EIF2AK4: variants seen among roughly 807,000 people sequenced by gnomAD.
The protein encoded by EIF2AK4 is eIF-2-alpha kinase GCN2.
In EIF2AK4, 139 loss-of-function variants were observed where a neutral mutation model predicts 211.1. The observed-to-expected ratio is 0.66, with a 90% CI of 0.57 to 0.76. The LOEUF (loss-of-function observed/expected upper bound fraction) is 0.76, where lower values mean the gene tolerates loss of function less well. EIF2AK4 is among the 30% of genes least tolerant of loss of function. The pLI is 0.00. For missense variants in EIF2AK4, 1,664 were observed against 2,043.8 expected, an observed-to-expected ratio of 0.81 and a Z score of 3.58; for synonymous variants, 710 against 751.3, an observed-to-expected ratio of 0.94 and a Z score of 0.90.
chr15:40,002,949 A>C (rs2035112489), intron 22 of EIF2AK4, among the ~76,000 whole-genome samples, 161 bp downstream of exon 22: 1 of 152,236 alleles, frequency 6.6e-6, no homozygotes, highest in African/African-American at 2.4e-5. Context: ...ACTGATTTGA[A>C]TATTACAGCC....
In EIF2AK4 at chr15:39,939,625, C is replaced by G; in HGVS notation, c.257+8C>G. ...ACCTACCTATCCAGATGTGTGAGTA[C>G]ATTTATAAATAGCTTTGACGTGGTT... On this transcript the variant is annotated splice_region_variant and intron_variant, in intron 2 of 38. Transcript: ENST00000263791. 2 of 1,588,724 alleles carry G rather than the reference C, an allele frequency of 1.3e-6. No homozygotes were observed. The highest frequency in any genetic ancestry group is 2.3e-5 in the South Asian group (2 of 87,068).
chr15:40,000,429 G>A (rs1263902349), intron 20 of EIF2AK4, among the ~76,000 whole-genome samples: 2 of 152,126 alleles, frequency 1.3e-5, no homozygotes, highest in African/African-American at 4.8e-5. Context: ...ACCTCTCAAA[G>A]GTTTAGATTG....
rs753461806 is a variant in EIF2AK4 at position 39,992,166 on chromosome 15, T to C, written c.2632-9T>C. ...TTTAATTGGATATTTGGCTTACTTA[T>C]ATTTTTAGGCTGACAGCAAACAAGA... On this transcript the variant is annotated splice_polypyrimidine_tract_variant and intron_variant, in intron 16 of 38. Coordinates refer to ENST00000263791, the MANE Select transcript of EIF2AK4 (RefSeq NM_001013703.4). The C allele has an allele frequency of 3.7e-6, 6 of 1,609,764 alleles. No homozygotes were observed. In the South Asian group the frequency reaches 5.6e-5, roughly 15 times the overall value.
intron 18 of EIF2AK4, 65 bp from the exon 19 acceptor site, chr15:39,996,899 T>G (rs1302745291): frequency 8.6e-7 from 1 of 1,165,300 alleles, no homozygotes; most frequent in Non-Finnish European, 1.3e-6. Context: ...GCTTATCCTA[T>G]AATTCCCTGG....
chr15:39,958,531 G>C (rs77843252), intron 6 of EIF2AK4, among the ~76,000 whole-genome samples: 3,301 of 152,276 alleles, frequency 0.022, 50 homozygotes, highest in Non-Finnish European at 0.037. Context: ...AAGGTGTAGG[G>C]GAGAGAGGAT....
At chr15:39,952,088 A>G (rs1210861657) in intron 4 of EIF2AK4, among the ~76,000 whole-genome samples, 2 of 152,072 alleles carry the variant, frequency 1.3e-5, no homozygotes, top group African/African-American at 2.4e-5. Context: ...ATTCTCACCC[A>G]TTTATTCTTA....
At chr15:39,986,626 G>A (rs2034869172) in intron 14 of EIF2AK4, among the ~76,000 whole-genome samples, 1 of 152,238 alleles carries the variant, frequency 6.6e-6, no homozygotes, top group East Asian at 1.9e-4. Flanking sequence ...GGCCGAGGCG[G>A]GTGGATCACC....
chr15:40,033,023 T>C (rs1330426880), intron 37 of EIF2AK4, among the ~76,000 whole-genome samples: 5 of 152,170 alleles, frequency 3.3e-5, no homozygotes, highest in African/African-American at 4.8e-5. Flanking sequence ...ACTTATTTTA[T>C]TAAAAACAAA....
chr15:39,963,400 A>G (rs1027599898), intron 7 of EIF2AK4, among the ~76,000 whole-genome samples: 1 of 152,240 alleles, frequency 6.6e-6, no homozygotes, highest in Non-Finnish European at 1.5e-5. Flanking sequence ...GATTCACCAT[A>G]GTTAATACCC....
chr15:39,949,289 T>C (rs199627809), intron 4 of EIF2AK4, 21 bp downstream of exon 4: 71 of 1,612,092 alleles, frequency 4.4e-5, no homozygotes, highest in Non-Finnish European at 5.3e-5. Flanking sequence ...CTTGTCGATG[T>C]CTGTGTGCAT....
At chr15:39,942,564 C>T (rs1047179065) in intron 2 of EIF2AK4, among the ~76,000 whole-genome samples, 2 of 152,184 alleles carry the variant, frequency 1.3e-5, no homozygotes, top group African/African-American at 2.4e-5. Flanking sequence ...AGTGATGAGT[C>T]ATCATCTCTT....
chr15:40,031,731 CTTTT>C (rs201986933), intron 35 of EIF2AK4, among the ~76,000 whole-genome samples: 1 of 148,882 alleles, frequency 6.7e-6, no homozygotes, highest in African/African-American at 2.5e-5. Context: ...AGCAAATCTT[CTTTT>C]TTTTTTTTGA....
chr15:40,000,762 A>C (rs991819514), intron 20 of EIF2AK4, among the ~76,000 whole-genome samples: 1 of 152,190 alleles, frequency 6.6e-6, no homozygotes, highest in East Asian at 1.9e-4. Flanking sequence ...AAGGTATAAA[A>C]ACAAGGGGCC....
chr15:40,012,071 G>A (rs1256100763), intron 27 of EIF2AK4, among the ~76,000 whole-genome samples: 1 of 151,996 alleles, frequency 6.6e-6, no homozygotes, highest in Non-Finnish European at 1.5e-5. Flanking sequence ...TCAATTATAT[G>A]ATCTTGCATT....
Position 40,035,052 on chromosome 15 carries a change from T to C in EIF2AK4, c.4918T>C (p.Tyr1640His). ...GGTGTCTGTGCTATTTCTGTACAGCTATAGAGATGACTACTACAGAATCTT... is the reference window on the plus strand; with the variant it reads ...GGTGTCTGTGCTATTTCTGTACAGCCATAGAGATGACTACTACAGAATCTT... ...KKVSVLFLYSYRDDYYRILF is the reference protein window; with the variant it reads ...KKVSVLFLYSHRDDYYRILF Residue 1640 changes from tyrosine to histidine, a missense_variant, in exon 39 of 39, where the codon TAT becomes CAT. Transcript: ENST00000263791. 1 of 1,587,436 alleles carries C rather than the reference T, an allele frequency of 6.3e-7. No homozygotes were observed. Among genetic ancestry groups the C allele is most frequent in the Non-Finnish European group, 8.6e-7 (1 of 1,168,086 alleles).
At position 39,976,761 on chromosome 15, in the gene EIF2AK4, T is replaced by C. The variant is rs2034700740; in HGVS notation, c.2166T>C (p.Arg722=). 2 of 1,596,416 alleles carry C rather than the reference T, an allele frequency of 1.3e-6. No individual in the cohort carries two copies. The highest frequency in any genetic ancestry group is 1.7e-6 in the Non-Finnish European group (2 of 1,174,528). Residue 722 remains arginine, a synonymous_variant, in exon 12 of 39, where the codon CGT becomes CGC. Transcript: ENST00000263791. The part of the protein sequence containing the change: ...STSGERSASA[R]FPATGPGSSD... The stretch of plus-strand genomic sequence containing the variant: ...CGGGCGAGCGCTCGGCCAGTGCCCG[T>C]TTCCCCGCCACCGGCCCGGGCTCCA...
chr15:40,012,979 T>C (rs2035254451), intron 27 of EIF2AK4, among the ~76,000 whole-genome samples: 1 of 152,182 alleles, frequency 6.6e-6, no homozygotes, highest in Admixed American at 6.5e-5. Context: ...CAAAGAGATG[T>C]TGTGATTTGT....
chr15:40,004,955 G>C (rs181580371), intron 23 of EIF2AK4, among the ~76,000 whole-genome samples: 6 of 152,132 alleles, frequency 3.9e-5, no homozygotes, highest in African/African-American at 9.7e-5. Context: ...CCACATCCAC[G>C]TATCCAGCCA....
rs375224550 is a variant in EIF2AK4, at chr15:39,967,911, C to G, written c.1553+32C>G. 4 of 1,601,122 alleles carry G rather than the reference C, an allele frequency of 2.5e-6. No homozygotes were observed. The African/African-American group carries it at 4.0e-5, about 16-fold the overall frequency. ...ATCACTGAGATTCTCTCTAATAGCA[C>G]TTTACTCCTGTACTTTTGATTGTGC... On this transcript the variant is annotated intron_variant, in intron 9 of 38. Transcript: ENST00000263791.
Sources: gnomAD v4.1 joint callset for allele counts (sites outside exome capture counted in the v4.1 genomes callset) on GRCh38, gnomAD v4.1.1 for gene constraint, MANE v1.5 for transcripts, NCBI Gene and HGNC (gene_info 2026-07-23, HGNC 2026-07-21) for gene names.